WDR59: variants seen among roughly 807,000 people sequenced by gnomAD.
WDR59 encodes WD repeat domain 59.
A neutral mutation model predicts 131.2 loss-of-function variants in WDR59; 100 were observed. The ratio of observed to expected loss-of-function variants is 0.76; its 90% CI spans 0.65 to 0.90. WDR59 has a LOEUF of 0.90. Ranked by LOEUF, WDR59 falls within the 40% of genes least tolerant of loss-of-function variation. The pLI, the probability that WDR59 is intolerant of heterozygous loss-of-function variation, is 0.00. For missense variants in WDR59, 1,203 were observed against 1,262.2 expected, an observed-to-expected ratio of 0.95 and a Z score of 0.71; for synonymous variants, 601 against 466.2, an observed-to-expected ratio of 1.29 and a Z score of -3.72.
At chr16:74,968,945 T>C (rs1305722194) in intron 1 of WDR59, among the ~76,000 whole-genome samples, 1 of 152,136 alleles carries the variant, frequency 6.6e-6, no homozygotes. Flanking sequence ...AAGGGAACAC[T>C]GAGCAGAGGA....
At chr16:74,918,934 C>G (rs1456743069) in intron 10 of WDR59, among the ~76,000 whole-genome samples, 2 of 152,162 alleles carry the variant, frequency 1.3e-5, no homozygotes, top group Non-Finnish European at 2.9e-5. Context: ...GCACAGCCAG[C>G]CAGACAGCAA....
intron 1 of WDR59, chr16:74,984,492 A>C (rs574251169): frequency 1.6e-5 from 3 of 192,354 alleles, no homozygotes; most frequent in African/African-American, 7.0e-5. Flanking sequence ...ATTAAGAACC[A>C]CTTAACCGCG....
chr16:74,918,113 AC>A (rs1447880977), intron 10 of WDR59, 105 bp from the exon 11 acceptor site: 4 of 1,081,574 alleles, frequency 3.7e-6, no homozygotes, highest in Non-Finnish European at 5.6e-6. Context: ...ACAAACATCT[AC>A]TGAACATTTC....
chr16:74,893,597 G>A, intron 19 of WDR59, 82 bp downstream of exon 19: 1 of 1,451,204 alleles, frequency 6.9e-7, no homozygotes, highest in Non-Finnish European at 9.3e-7. Flanking sequence ...TTGAAGAAAG[G>A]ATTCCCACAC....
chr16:74,951,811 A>C (rs1192728976), intron 3 of WDR59, among the ~76,000 whole-genome samples: 1 of 152,168 alleles, frequency 6.6e-6, no homozygotes, highest in Admixed American at 6.5e-5. Context: ...AGCTGAACTG[A>C]AGGTGCAGAA....
At position 74,909,653 on chromosome 16, in the gene WDR59, T is replaced by C; in HGVS notation, c.1490A>G (p.Gln497Arg). 6.4e-7 allele frequency: 1 copy of C among 1,566,836 alleles called. No individual in the cohort carries two copies. Among genetic ancestry groups the C allele is most frequent in the Non-Finnish European group, 8.6e-7 (1 of 1,159,304 alleles). ...LVSCLESFVN[Q>R]EDSASSNPFA... ...CGGGTTGCTGGAAGCGCTGTCTTCCTGGTTCTGAAATTTAAAAATCCACAA... is the reference window on the plus strand; with the variant it reads ...CGGGTTGCTGGAAGCGCTGTCTTCCCGGTTCTGAAATTTAAAAATCCACAA... The change falls in exon 16 of 26, where the codon CAG becomes CGG. Residue 497 changes from glutamine to arginine, a missense_variant. Gln to Arg is a conservative substitution (Grantham distance 43, BLOSUM62 1). Coordinates refer to ENST00000262144, the MANE Select transcript of WDR59 (RefSeq NM_030581.4).
intron 8 of WDR59, among the ~76,000 whole-genome samples, chr16:74,937,315 G>C (rs2031884226): frequency 6.6e-6 from 1 of 152,176 alleles, no homozygotes; most frequent in Non-Finnish European, 1.5e-5. Flanking sequence ...CTCTATCCCT[G>C]AACTGTGAAA....
chr16:74,923,535 TG>T (rs1448939334), intron 9 of WDR59, among the ~76,000 whole-genome samples: 1 of 152,182 alleles, frequency 6.6e-6, no homozygotes, highest in Non-Finnish European at 1.5e-5. Context: ...TGGAGTGCAG[TG>T]GGGCGATCTC....
Position 74,938,039 on chromosome 16 carries a change from G to C in WDR59, c.651+111C>G, listed in dbSNP as rs143366222. On this transcript the variant is annotated intron_variant, in intron 8 of 25. Transcript: ENST00000262144. Reference sequence around the variant, plus strand: ...CAGTTGCCCAAGAAGCACATGCACCGTGAAATACATACTGTGCTAACACAC... The same window carrying C: ...CAGTTGCCCAAGAAGCACATGCACCCTGAAATACATACTGTGCTAACACAC... The C allele has an allele frequency of 5.6e-6, 4 of 712,560 alleles. No homozygotes were observed. In the Admixed American group the frequency reaches 9.3e-5, roughly 17 times the overall value. The allele number at this position is 712,560 out of a possible 1,614,324, so 44.1% of individuals were successfully genotyped here.
chr16:74,962,857 G>T (rs2033616735), intron 2 of WDR59: 1 of 150,328 alleles, frequency 6.7e-6, no homozygotes, highest in African/African-American at 2.5e-5. Context: ...ATACTATGTT[G>T]AGTAGGAGAG....
chr16:74,946,406 G>A (rs113714349), intron 6 of WDR59, among the ~76,000 whole-genome samples: 37 of 152,184 alleles, frequency 2.4e-4, no homozygotes, highest in Admixed American at 9.2e-4. Context: ...ACATACACTC[G>A]TCTACAGAAC....
intron 1 of WDR59, among the ~76,000 whole-genome samples, chr16:74,971,425 CCTTTT>C (rs1567442495): frequency 7.3e-6 from 1 of 136,198 alleles, no homozygotes; most frequent in African/African-American, 2.9e-5. Flanking sequence ...TTCTTTCCTT[CCTTTT>C]TTTTTTTTTT....
At chr16:74,979,327 A>G (rs368938850) in intron 1 of WDR59, among the ~76,000 whole-genome samples, 1 of 151,600 alleles carries the variant, frequency 6.6e-6, no homozygotes, top group Non-Finnish European at 1.5e-5. Flanking sequence ...TTAGCCAGGC[A>G]TGGTGGCGGG....
rs746193387 is a variant in WDR59, at chr16:74,923,912, G to A, written c.729+14C>T. The A allele has an allele frequency of 1.2e-5, 19 of 1,611,626 alleles. No individual in the cohort carries two copies. Among genetic ancestry groups the A allele is most frequent in the Non-Finnish European group, 1.5e-5 (18 of 1,179,062 alleles). On this transcript the variant is annotated intron_variant, in intron 9 of 25. Coordinates refer to ENST00000262144, the MANE Select transcript of WDR59 (RefSeq NM_030581.4). Reference sequence around the variant, plus strand: ...AAAGAAGTTTCTTATCAAGAGGCAGGGTGGCTCACTCACTGTGTATCTGGC... The same window carrying A: ...AAAGAAGTTTCTTATCAAGAGGCAGAGTGGCTCACTCACTGTGTATCTGGC...
At chr16:74,939,999 G>A (rs2032091268) in intron 7 of WDR59, among the ~76,000 whole-genome samples, 1 of 152,064 alleles carries the variant, frequency 6.6e-6, no homozygotes, top group African/African-American at 2.4e-5. Context: ...AAAAAACAGA[G>A]AGCAGTCTCT....
At position 74,985,095 on chromosome 16, in the gene WDR59, C is replaced by T; in HGVS notation, c.-78G>A. Reference sequence around the variant, plus strand: ...CCCCAGTATCCCGGGACCGTGCGCCCCACACAGCCAGAGAATCAGCCCCGA... The same window carrying T: ...CCCCAGTATCCCGGGACCGTGCGCCTCACACAGCCAGAGAATCAGCCCCGA... On this transcript the variant is annotated 5_prime_UTR_variant, in exon 1 of 26. Transcript: ENST00000262144. 2 of 1,398,752 alleles carry T rather than the reference C, an allele frequency of 1.4e-6. No homozygotes were observed. The highest frequency in any genetic ancestry group is 2.0e-6 in the Non-Finnish European group (2 of 1,011,216). The allele number at this position is 1,398,752 out of a possible 1,614,324, so 86.6% of individuals were successfully genotyped here.
chr16:74,899,676 G>C (rs1344411262), intron 18 of WDR59: 3 of 1,288,522 alleles, frequency 2.3e-6, no homozygotes, highest in Non-Finnish European at 3.0e-6. Context: ...GTTAAGGAGA[G>C]CATTTGCACA....
chr16:74,943,011 A>G (rs1337372961), intron 6 of WDR59, among the ~76,000 whole-genome samples, 185 bp from the exon 7 acceptor site: 1 of 152,196 alleles, frequency 6.6e-6, no homozygotes, highest in Non-Finnish European at 1.5e-5. Context: ...GAATTAACAC[A>G]TGGGAACAGG....
At position 74,891,849 on chromosome 16, in the gene WDR59, G is replaced by A. The variant is rs986933541; in HGVS notation, c.2082+635C>T. ...TGAGGCAGGAGAATCGCTTGAACCC[G>A]GGAGGCGGAGGTTGTGGTGAGCTGA... On this transcript the variant is annotated intron_variant, in intron 20 of 25. Coordinates refer to ENST00000262144, the MANE Select transcript of WDR59 (RefSeq NM_030581.4). 3.3e-5 allele frequency among the ~76,000 whole-genome samples: 5 copies of A among 152,274 alleles called. No homozygotes were observed. The East Asian group carries it at 7.7e-4, about 24-fold the overall frequency.
Sources: allele counts gnomAD v4.1 joint callset (sites outside exome capture counted in the v4.1 genomes callset), GRCh38; gene constraint gnomAD v4.1.1; transcripts MANE v1.5; gene names NCBI Gene and HGNC (gene_info 2026-07-23, HGNC 2026-07-21).